ARHGAP22: variants seen among roughly 807,000 people sequenced by gnomAD.
ARHGAP22 encodes Rho GTPase activating protein 22.
In ARHGAP22, 48 loss-of-function variants were observed where a neutral mutation model predicts 59.1. That is an observed-to-expected ratio of 0.81 (90% confidence interval 0.64 to 1.03). ARHGAP22 has a LOEUF of 1.03. Among genes scored for constraint, ARHGAP22 ranks in the 50% least tolerant of loss-of-function variants. The pLI, the probability that ARHGAP22 is intolerant of heterozygous loss-of-function variation, is 0.00. For synonymous variants in ARHGAP22, 445 were observed against 416.4 expected (o/e 1.07, Z -0.84); for missense variants, 1,015 against 958.7 (o/e 1.06, Z -0.78).
intron 9 of ARHGAP22, among the ~76,000 whole-genome samples, chr10:48,449,994 C>T (rs1331355262): frequency 1.3e-5 from 2 of 152,374 alleles, no homozygotes; most frequent in African/African-American, 4.8e-5. Context: ...AGCAAAGGTC[C>T]CCGGCAGGCT....
intron 3 of ARHGAP22, among the ~76,000 whole-genome samples, chr10:48,530,863 G>A (rs2054777234): frequency 1.0e-5 from 1 of 95,302 alleles, no homozygotes; most frequent in African/African-American, 4.0e-5. Context: ...AACAGTGTGG[G>A]GATTCCTTAA....
At chr10:48,590,255 G>C (rs1589019670) in intron 1 of ARHGAP22, among the ~76,000 whole-genome samples, 1 of 151,894 alleles carries the variant, frequency 6.6e-6, no homozygotes, top group Non-Finnish European at 1.5e-5. Context: ...AGAACGGGAG[G>C]GACCCGAGCC....
chr10:48,604,890 T>A lies in ARHGAP22; in HGVS notation c.-94A>T. 6.3e-7 allele frequency: 1 copy of A among 1,598,542 alleles called. No homozygotes were observed. Among genetic ancestry groups the A allele is most frequent in the South Asian group, 1.1e-5 (1 of 90,078 alleles). On this transcript the variant is annotated 5_prime_UTR_variant, in exon 1 of 10. Coordinates refer to ENST00000249601, the MANE Select transcript of ARHGAP22 (RefSeq NM_021226.4). ...TCGCGCCTAGTCGCCCCTCATGTCC[T>A]GCTCGTTCGGGGCCCCGTGGCCGCT...
At chr10:48,584,218 C>T (rs1376030282) in intron 1 of ARHGAP22, among the ~76,000 whole-genome samples, 1 of 152,242 alleles carries the variant, frequency 6.6e-6, no homozygotes, top group Non-Finnish European at 1.5e-5. Flanking sequence ...ACAATTCTTG[C>T]ACTGTATCTG....
At chr10:48,555,775 T>G (rs2057267753) in intron 2 of ARHGAP22, among the ~76,000 whole-genome samples, 1 of 152,116 alleles carries the variant, frequency 6.6e-6, no homozygotes, top group African/African-American at 2.4e-5. Flanking sequence ...CATACATGAT[T>G]GGAGGAGCTC....
At chr10:48,467,346 G>A (rs1202829014) in intron 4 of ARHGAP22, among the ~76,000 whole-genome samples, 1 of 152,144 alleles carries the variant, frequency 6.6e-6, no homozygotes, top group Non-Finnish European at 1.5e-5. Context: ...TCCAAAGGGT[G>A]AGGGCTGGAA....
At chr10:48,641,415 T>C (rs1010772392) in intron 1 of ARHGAP22, among the ~76,000 whole-genome samples, 2 of 152,174 alleles carry the variant, frequency 1.3e-5, no homozygotes, top group Non-Finnish European at 2.9e-5. Context: ...ACACGCTTCA[T>C]CCCTGGGATG....
intron 3 of ARHGAP22, among the ~76,000 whole-genome samples, chr10:48,525,050 G>A (rs980551653): frequency 1.3e-5 from 2 of 152,196 alleles, no homozygotes; most frequent in Non-Finnish European, 2.9e-5. Context: ...TCTTGGAGAG[G>A]ATTTGGGCAC....
intron 3 of ARHGAP22, among the ~76,000 whole-genome samples, chr10:48,528,010 G>T: frequency 6.6e-6 from 1 of 152,184 alleles, no homozygotes. Context: ...GATAGAGGCT[G>T]CCCCATTCAT....
chr10:48,543,167 C>T (rs1445362607), intron 3 of ARHGAP22, among the ~76,000 whole-genome samples: 1 of 152,172 alleles, frequency 6.6e-6, no homozygotes, highest in Admixed American at 6.5e-5. Flanking sequence ...GGGGCTAGCC[C>T]TAGGCCCGCA....
intron 3 of ARHGAP22, among the ~76,000 whole-genome samples, chr10:48,555,025 C>T (rs760297001): frequency 2.0e-5 from 3 of 152,210 alleles, no homozygotes; most frequent in Non-Finnish European, 4.4e-5. Context: ...GCTAACGTGA[C>T]AGTAGAGCAG....
chr10:48,558,555 C>T (rs547159676), intron 2 of ARHGAP22, among the ~76,000 whole-genome samples: 21 of 152,112 alleles, frequency 1.4e-4, no homozygotes, highest in South Asian at 6.2e-4. Context: ...TCAGTAGAAA[C>T]GGGGTTTCCC....
intron 3 of ARHGAP22, among the ~76,000 whole-genome samples, chr10:48,530,323 T>C (rs1439632942): frequency 7.4e-6 from 1 of 135,286 alleles, no homozygotes; most frequent in Admixed American, 7.3e-5. Context: ...TTCTAGAAGA[T>C]AACATTGGAA....
At chr10:48,532,914 G>C (rs2054996449) in intron 3 of ARHGAP22, 1 of 152,194 alleles carries the variant, frequency 6.6e-6, no homozygotes, top group Non-Finnish European at 1.5e-5. Flanking sequence ...AGGTGAGTTA[G>C]TGACAAGTTG....
At chr10:48,494,022 C>G (rs929522388) in intron 3 of ARHGAP22, among the ~76,000 whole-genome samples, 1 of 152,240 alleles carries the variant, frequency 6.6e-6, no homozygotes, top group Non-Finnish European at 1.5e-5. Flanking sequence ...TTTCCATTTT[C>G]TCATCAGCAA....
At chr10:48,466,743 C>T (rs1479610836) in intron 4 of ARHGAP22, 1 of 150,068 alleles carries the variant, frequency 6.7e-6, no homozygotes, top group Non-Finnish European at 1.5e-5. Context: ...GTCTTGCCCG[C>T]CGCCCGCCCG....
At chr10:48,534,771 A>ACC (rs2135011273) in intron 3 of ARHGAP22, among the ~76,000 whole-genome samples, 3 of 152,322 alleles carry the variant, frequency 2.0e-5, no homozygotes, top group Non-Finnish European at 4.4e-5. Context: ...CAGAATTAGA[A>ACC]CTGAGGTGTC....
upstream of ARHGAP22, among the ~76,000 whole-genome samples, chr10:48,654,672 TG>T (rs1185974151): frequency 4.4e-3 from 49 of 11,076 alleles, no homozygotes; most frequent in East Asian, 0.47. Context: ...CCCGCTGGTG[TG>T]GTGTGTGTGT....
At chr10:48,526,358 C>T (rs1347207177) in intron 3 of ARHGAP22, among the ~76,000 whole-genome samples, 1 of 152,180 alleles carries the variant, frequency 6.6e-6, no homozygotes, top group African/African-American at 2.4e-5. Flanking sequence ...CTCAGAAAGA[C>T]CAGGGTGAGG....
Sources: gnomAD v4.1 joint callset for allele counts (sites outside exome capture counted in the v4.1 genomes callset) on GRCh38, gnomAD v4.1.1 for gene constraint, MANE v1.5 for transcripts, NCBI Gene and HGNC (gene_info 2026-07-23, HGNC 2026-07-21) for gene names.